Variants in TOGARAM1 observed in about 807,000 individuals in gnomAD.
The protein encoded by TOGARAM1 is TOG array regulator of axonemal microtubules protein 1.
TOGARAM1 carries 100 observed loss-of-function variants against 166.6 expected under a neutral mutation model. That is an observed-to-expected ratio of 0.60 (90% CI 0.51 to 0.71). The LOEUF (loss-of-function observed/expected upper bound fraction) is 0.71, where lower values mean the gene tolerates loss of function less well. Ranked by LOEUF, TOGARAM1 falls within the 30% of genes least tolerant of loss-of-function variation. The probability of loss-of-function intolerance (pLI) is 0.00; values close to 1 mark genes in which losing one functional copy is unlikely to be tolerated. For synonymous variants in TOGARAM1, 758 were observed against 763.8 expected, an observed-to-expected ratio of 0.99 and a Z score of 0.13; for missense variants, 2,029 against 2,102.7, an observed-to-expected ratio of 0.96 and a Z score of 0.69.
In TOGARAM1 at chr14:45,015,364, A is replaced by G. The variant is rs138014523; in HGVS notation, c.3238+3289A>G. 3.1e-3 allele frequency among the ~76,000 whole-genome samples: 468 copies of G among 150,796 alleles called. 3 individuals carry two copies. Among genetic ancestry groups the G allele is most frequent in the Non-Finnish European group, 5.4e-3 (365 of 67,698 alleles). On this transcript the variant is annotated intron_variant, in intron 7 of 19. Coordinates refer to ENST00000361462, the MANE Select transcript of TOGARAM1 (RefSeq NM_001308120.2). ...TAAATAAATAAATATATTTATACAT[A>G]TATACACACATCATTATTGCTTAAT...
In TOGARAM1 at chr14:44,964,399, C is replaced by A. The variant is rs1885399495; in HGVS notation, c.1978C>A (p.Pro660Thr). The change falls in exon 1 of 20, where the codon CCA becomes ACA. Residue 660 changes from proline to threonine, a missense_variant. Around this residue, in one of 2 missense-constraint regions of TOGARAM1, gnomAD observed 1,453 missense variants for 1,432.2 expected, o/e 1.01. Coordinates refer to ENST00000361462, the MANE Select transcript of TOGARAM1 (RefSeq NM_001308120.2). Reference sequence around the variant, plus strand: ...TGCAGGAAAAGGAAAAAATAAATTACCATGGGAAAATGAGCAACCTGGAAT... The same window carrying A: ...TGCAGGAAAAGGAAAAAATAAATTAACATGGGAAAATGAGCAACCTGGAAT... ...LSAGKGKNKL[P>T]WENEQPGIMG... 6.2e-7 allele frequency: 1 copy of A among 1,612,602 alleles called. No individual in the cohort carries two copies. The highest frequency in any genetic ancestry group is 1.1e-5 in the South Asian group (1 of 90,928).
At position 45,043,749 on chromosome 14, in the gene TOGARAM1, G is replaced by T; in HGVS notation, c.3876G>T (p.Leu1292=). The T allele has an allele frequency of 6.2e-7, 1 of 1,613,508 alleles. No individual in the cohort carries two copies. Among genetic ancestry groups the T allele is most frequent in the South Asian group, 1.1e-5 (1 of 91,046 alleles). Residue 1292 remains leucine (L), a synonymous_variant, in exon 12 of 20, where the codon CTG becomes CTT. Coordinates refer to ENST00000361462, the MANE Select transcript of TOGARAM1 (RefSeq NM_001308120.2). ...RCLAAFHSEI[L]NTKLHETNFA... ...TAGCTGCTTTTCATTCTGAGATACTGAACACAAAGTTGCATGAAACAAATT... is the reference window on the plus strand; with the variant it reads ...TAGCTGCTTTTCATTCTGAGATACTTAACACAAAGTTGCATGAAACAAATT...
intron 16 of TOGARAM1, among the ~76,000 whole-genome samples, chr14:45,064,654 T>C (rs1566675161): frequency 6.6e-6 from 1 of 152,172 alleles, no homozygotes; most frequent in Non-Finnish European, 1.5e-5. Context: ...TAGTTTTTTG[T>C]ATTTTTTGTA....
At chr14:44,986,824 G>A (rs1410514812) in intron 1 of TOGARAM1, among the ~76,000 whole-genome samples, 1 of 151,038 alleles carries the variant, frequency 6.6e-6, no homozygotes, top group Non-Finnish European at 1.5e-5. Flanking sequence ...GGCTAACACG[G>A]TGTAACCCCA....
intron 7 of TOGARAM1, among the ~76,000 whole-genome samples, chr14:45,012,386 A>T (rs1213304445): frequency 6.6e-6 from 1 of 152,164 alleles, no homozygotes; most frequent in Non-Finnish European, 1.5e-5. Context: ...AGAATTTTGA[A>T]AACTCCTCAG....
intron 2 of TOGARAM1, chr14:44,996,837 A>C (rs953445593): frequency 1.3e-5 from 2 of 152,240 alleles, no homozygotes; most frequent in Non-Finnish European, 2.9e-5. Flanking sequence ...AAGAGGAAGT[A>C]CAACACGCTT....
chr14:45,023,537 A>G (rs1186165538), intron 7 of TOGARAM1, among the ~76,000 whole-genome samples: 3 of 152,164 alleles, frequency 2.0e-5, no homozygotes, highest in Middle Eastern at 3.2e-3. Flanking sequence ...CTACCCGTAA[A>G]CAATGAGGCC....
At chr14:45,040,137 A>G (rs2138940511) in intron 11 of TOGARAM1, among the ~76,000 whole-genome samples, 1 of 152,378 alleles carries the variant, frequency 6.6e-6, no homozygotes, top group Admixed American at 6.5e-5. Context: ...TAAATTGGAA[A>G]TTAATGACAG....
At chr14:44,971,261 ATCT>A (rs1299991358) in intron 1 of TOGARAM1, among the ~76,000 whole-genome samples, 2 of 152,110 alleles carry the variant, frequency 1.3e-5, no homozygotes, top group Non-Finnish European at 2.9e-5. Flanking sequence ...GATTATCCAT[ATCT>A]TCTTGTGTGT....
chr14:45,025,725 T>C (rs1287868314), intron 7 of TOGARAM1, 58 bp from the exon 8 acceptor site: 1 of 929,228 alleles, frequency 1.1e-6, no homozygotes, highest in Non-Finnish European at 1.7e-6. Flanking sequence ...TATCCTAAGA[T>C]ACTACATAAT....
At chr14:44,967,045 T>C (rs1005662638) in intron 1 of TOGARAM1, among the ~76,000 whole-genome samples, 2 of 152,190 alleles carry the variant, frequency 1.3e-5, no homozygotes, top group African/African-American at 4.8e-5. Context: ...ATCAGCCATT[T>C]TTTTCAGAAG....
rs754821249 is a variant in TOGARAM1 at position 45,043,753 on chromosome 14, A to G, written c.3880A>G (p.Thr1294Ala). Reference protein sequence around the residue: ...LAAFHSEILNTKLHETNFAVV... With the variant: ...LAAFHSEILNAKLHETNFAVV... The stretch of plus-strand genomic sequence containing the variant: ...TGCTTTTCATTCTGAGATACTGAAC[A>G]CAAAGTTGCATGAAACAAATTTTGC... The change falls in exon 12 of 20, where the codon ACA (threonine) becomes GCA (alanine). Residue 1294 changes from threonine (T) to alanine (A), a missense_variant. Thr to Ala is a moderately conservative substitution (Grantham distance 58). Coordinates refer to ENST00000361462, the MANE Select transcript of TOGARAM1 (RefSeq NM_001308120.2). 6.2e-7 allele frequency: 1 copy of G among 1,613,484 alleles called. No individual in the cohort carries two copies. The highest frequency in any genetic ancestry group is 8.5e-7 in the Non-Finnish European group (1 of 1,179,470).
intron 1 of TOGARAM1, among the ~76,000 whole-genome samples, chr14:44,994,199 T>C (rs2899960): frequency 0.16 from 24,617 of 151,990 alleles, 3,745 homozygotes; most frequent in African/African-American, 0.4. Flanking sequence ...CTCTGTCTCC[T>C]GGGTTCAAGC....
chr14:45,014,555 C>G lies in TOGARAM1; in HGVS notation c.3238+2480C>G, dbSNP rs141522791. The stretch of plus-strand genomic sequence containing the variant: ...CTTTGTTTTCAGTAAACAAGTGATT[C>G]CTACAAATTTATTGTGGCTTAATTG... On this transcript the variant is annotated intron_variant, in intron 7 of 19. Transcript: ENST00000361462. Among the ~76,000 whole-genome samples the G allele has an allele frequency of 3.2e-4, 49 of 152,144 alleles. 1 individual carries two copies. The highest frequency in any genetic ancestry group is 1.1e-3 in the African/African-American group (45 of 41,518).
At chr14:45,061,141 A>G (rs539941095) in intron 16 of TOGARAM1, among the ~76,000 whole-genome samples, 101 of 152,158 alleles carry the variant, frequency 6.6e-4, no homozygotes, top group Non-Finnish European at 1.3e-3. Flanking sequence ...ATGTTTATTT[A>G]TGCAAATATT....
At chr14:45,000,197 C>G (rs752186843) in intron 3 of TOGARAM1, among the ~76,000 whole-genome samples, 9 of 152,076 alleles carry the variant, frequency 5.9e-5, no homozygotes, top group Non-Finnish European at 1.2e-4. Context: ...CAGAGTTTCA[C>G]CATATTGATC....
chr14:45,046,638 G>A lies in TOGARAM1; in HGVS notation c.4248G>A (p.Lys1416=), dbSNP rs1882081310. The A allele has an allele frequency of 4.3e-6, 6 of 1,398,856 alleles. No individual in the cohort carries two copies. The highest frequency in any genetic ancestry group is 5.6e-6 in the Non-Finnish European group (6 of 1,068,832). The allele number at this position is 1,398,856 out of a possible 1,614,324, so 86.7% of individuals were successfully genotyped here. A position where few individuals can be genotyped will look rare whatever the true frequency, so the allele number is the denominator to read the frequency against. Reference sequence around the variant, plus strand: ...CAGAACGTATTTTATCTGCAGCAAAGGATATGGCTGAACGCATATTACCAG... The same window carrying A: ...CAGAACGTATTTTATCTGCAGCAAAAGATATGGCTGAACGCATATTACCAG... ...MEPERILSAA[K]DMAERILPAA... The change falls in exon 14 of 20, where the codon AAG becomes AAA. Residue 1416 remains lysine, a synonymous_variant. Transcript: ENST00000361462.
At chr14:44,994,161 C>T (rs1369123368) in intron 1 of TOGARAM1, among the ~76,000 whole-genome samples, 3 of 152,136 alleles carry the variant, frequency 2.0e-5, no homozygotes, top group African/African-American at 7.2e-5. Flanking sequence ...GCCTGGAGTG[C>T]AGTGGCATGA....
intron 2 of TOGARAM1, 158 bp downstream of exon 2, chr14:44,996,060 T>C (rs996482652): frequency 1.6e-5 from 8 of 508,916 alleles, no homozygotes; most frequent in African/African-American, 1.0e-4. Context: ...TAGACATTAT[T>C]ATCTCATAAA....
Sources: gnomAD v4.1 joint callset for allele counts (sites outside exome capture counted in the v4.1 genomes callset) on GRCh38, gnomAD v4.1.1 for gene constraint, gnomAD v4.1.1 regional missense constraint, MANE v1.5 for transcripts, NCBI Gene and HGNC (gene_info 2026-07-23, HGNC 2026-07-21) for gene names.